The following ZBTB20 variants were observed in gnomAD, a reference collection of about 807,000 sequenced individuals.
ZBTB20 encodes the protein zinc finger and BTB domain containing 20, also known as zinc finger and BTB domain-containing protein 20.
In ZBTB20, 9 loss-of-function variants were observed where a neutral mutation model predicts 56.9. The observed-to-expected ratio is 0.16, with a 90% confidence interval of 0.10 to 0.28. ZBTB20 has a LOEUF of 0.28. Among genes scored for constraint, ZBTB20 ranks in the 10% least tolerant of loss-of-function variants. The probability of loss-of-function intolerance (pLI) is 1.00; values close to 1 mark genes in which losing one functional copy is unlikely to be tolerated. For missense variants in ZBTB20, 655 were observed against 1,003.0 expected, an observed-to-expected ratio of 0.65 and a Z score of 4.69; for synonymous variants, 417 against 420.7, an observed-to-expected ratio of 0.99 and a Z score of 0.11.
intron 4 of ZBTB20, among the ~76,000 whole-genome samples, chr3:114,818,340 C>A (rs1271468760): frequency 6.6e-6 from 1 of 151,972 alleles, no homozygotes. Flanking sequence ...TTAATAAGAT[C>A]ATAAAGTTTT....
intron 11 of ZBTB20, among the ~76,000 whole-genome samples, chr3:114,341,864 A>G (rs1314671925): frequency 1.3e-5 from 2 of 152,222 alleles, no homozygotes; most frequent in Non-Finnish European, 2.9e-5. Flanking sequence ...TGAGGACTCT[A>G]GTCCTGGCCT....
rs72960317 is a variant in ZBTB20, at chr3:114,944,814, G to A, written c.-456+29552C>T. ...AGGGAGTAAAATGGTGGTTACTAGA[G>A]GCTGAGTGTTGGATGGTGATGAAGA... On this transcript the variant is annotated intron_variant, in intron 3 of 11. Transcript: ENST00000675478. 7.0e-3 allele frequency among the ~76,000 whole-genome samples: 1,009 copies of A among 144,724 alleles called. 201 individuals are homozygous for A. Among genetic ancestry groups the A allele is most frequent in the African/African-American group, 0.028 (980 of 34,960 alleles). The allele number at this position is 144,724 out of a possible 152,430, so 94.9% of individuals were successfully genotyped here.
At chr3:114,448,911 T>G (rs1210253659) in intron 7 of ZBTB20, among the ~76,000 whole-genome samples, 8 of 152,154 alleles carry the variant, frequency 5.3e-5, no homozygotes, top group Non-Finnish European at 2.9e-5. Flanking sequence ...TTAATGTAAC[T>G]GTAAAGTGGA....
At chr3:114,976,780 T>A (rs1168827664) in intron 2 of ZBTB20, among the ~76,000 whole-genome samples, 1 of 152,164 alleles carries the variant, frequency 6.6e-6, no homozygotes, top group Non-Finnish European at 1.5e-5. Flanking sequence ...GTTTCCCCAC[T>A]AGATTACATT....
intron 1 of ZBTB20, among the ~76,000 whole-genome samples, chr3:115,116,348 C>G (rs1330103538): frequency 1.3e-5 from 2 of 152,010 alleles, no homozygotes; most frequent in Admixed American, 6.6e-5. Flanking sequence ...TTTTTATTTC[C>G]TCTCAAACCC....
intron 10 of ZBTB20, among the ~76,000 whole-genome samples, chr3:114,369,493 TCTC>T (rs2082769143): frequency 6.6e-6 from 1 of 152,212 alleles, no homozygotes; most frequent in Non-Finnish European, 1.5e-5. Flanking sequence ...GACAAAATAA[TCTC>T]CTTATTTAGT....
intron 1 of ZBTB20, among the ~76,000 whole-genome samples, chr3:115,142,900 C>T (rs527556963): frequency 7.9e-5 from 12 of 151,926 alleles, no homozygotes; most frequent in Admixed American, 3.3e-4. Context: ...AAACCCTCCA[C>T]GGCACAGGAT....
intron 6 of ZBTB20, among the ~76,000 whole-genome samples, chr3:114,581,766 A>T (rs1472833282): frequency 1.3e-5 from 2 of 152,184 alleles, no homozygotes; most frequent in Admixed American, 6.5e-5. Context: ...AAGTCTGACC[A>T]TCACAAATGT....
intron 4 of ZBTB20, among the ~76,000 whole-genome samples, chr3:114,856,868 A>G (rs1426860718): frequency 6.6e-6 from 1 of 152,162 alleles, no homozygotes; most frequent in Non-Finnish European, 1.5e-5. Context: ...TATTACTCCA[A>G]TTTAATTTAT....
At chr3:114,850,356 T>A (rs1483729204) in intron 4 of ZBTB20, among the ~76,000 whole-genome samples, 1 of 152,160 alleles carries the variant, frequency 6.6e-6, no homozygotes, top group Non-Finnish European at 1.5e-5. Context: ...AGGGAGTAGA[T>A]GGTGTGTTCA....
At chr3:115,028,863 A>C (rs1161643025) in intron 2 of ZBTB20, among the ~76,000 whole-genome samples, 1 of 150,864 alleles carries the variant, frequency 6.6e-6, no homozygotes, top group Non-Finnish European at 1.5e-5. Context: ...AATGGTTGAC[A>C]CTACACCTAA....
intron 7 of ZBTB20, among the ~76,000 whole-genome samples, chr3:114,424,749 C>T (rs1235065842): frequency 6.6e-6 from 1 of 152,080 alleles, no homozygotes; most frequent in African/African-American, 2.4e-5. Flanking sequence ...CTTAGGAGGT[C>T]TTCCTAAAGA....
chr3:114,955,788 C>CA (rs1168617221), intron 3 of ZBTB20, among the ~76,000 whole-genome samples: 3 of 151,706 alleles, frequency 2.0e-5, no homozygotes, highest in African/African-American at 7.3e-5. Context: ...AACAAACAAA[C>CA]AAAAAAATGG....
chr3:115,115,531 A>T (rs180730118), intron 1 of ZBTB20, among the ~76,000 whole-genome samples: 1 of 152,212 alleles, frequency 6.6e-6, no homozygotes, highest in Admixed American at 6.5e-5. Flanking sequence ...TCCACACTGC[A>T]TAATTTGTTC....
At chr3:114,591,359 T>C (rs973793768) in intron 6 of ZBTB20, among the ~76,000 whole-genome samples, 2 of 152,208 alleles carry the variant, frequency 1.3e-5, no homozygotes, top group African/African-American at 4.8e-5. Flanking sequence ...TGATAAACTT[T>C]CTATAATCTA....
At chr3:114,810,989 T>C (rs1246141667) in intron 4 of ZBTB20, among the ~76,000 whole-genome samples, 11 of 152,110 alleles carry the variant, frequency 7.2e-5, no homozygotes, top group Admixed American at 7.2e-4. Flanking sequence ...CCATGGGAGA[T>C]AAATAGTTTT....
intron 2 of ZBTB20, among the ~76,000 whole-genome samples, chr3:115,011,038 C>CAGAATGGATCAAGCGGA (rs2079682450): frequency 6.6e-6 from 1 of 151,770 alleles, no homozygotes; most frequent in Admixed American, 6.6e-5. Flanking sequence ...CCTTTAACAG[C>CAGAATGGATCAAGCGGA]AGAATGGATC....
chr3:114,846,294 C>T (rs975249012), intron 4 of ZBTB20, among the ~76,000 whole-genome samples: 2 of 152,194 alleles, frequency 1.3e-5, no homozygotes, highest in Admixed American at 6.5e-5. Context: ...TCCTCAGGCC[C>T]TCACTCAAAG....
intron 3 of ZBTB20, among the ~76,000 whole-genome samples, chr3:114,906,292 T>C (rs911026781): frequency 1.3e-5 from 2 of 151,844 alleles, no homozygotes; most frequent in Admixed American, 6.6e-5. Context: ...GTGTTTTCAT[T>C]TGAACTCTGT....
Sources: gnomAD v4.1 joint callset for allele counts (sites outside exome capture counted in the v4.1 genomes callset) on GRCh38, gnomAD v4.1.1 for gene constraint, MANE v1.5 for transcripts, NCBI Gene and HGNC (gene_info 2026-07-23, HGNC 2026-07-21) for gene names.